SHOC2: variants seen among roughly 807,000 people sequenced by gnomAD.
The protein encoded by SHOC2 is leucine-rich repeat protein SHOC-2.
In SHOC2, 4 loss-of-function variants were observed where a neutral mutation model predicts 50.2. The ratio of observed to expected loss-of-function variants is 0.08; its 90% CI spans 0.04 to 0.18. SHOC2 has a LOEUF of 0.18. SHOC2 is among the 10% of genes least tolerant of loss of function. SHOC2 has a pLI of 1.00. For missense variants in SHOC2, 388 were observed against 669.6 expected, an observed-to-expected ratio of 0.58 and a Z score of 4.64; for synonymous variants, 218 against 244.5, an observed-to-expected ratio of 0.89 and a Z score of 1.01.
intron 8 of SHOC2, among the ~76,000 whole-genome samples, chr10:111,010,917 CTG>C (rs1310863862): frequency 6.6e-6 from 1 of 152,162 alleles, no homozygotes; most frequent in Non-Finnish European, 1.5e-5. Flanking sequence ...ATAAATGCCA[CTG>C]TGAAATATTC....
At chr10:110,928,538 A>C (rs936294990) in intron 1 of SHOC2, among the ~76,000 whole-genome samples, 29 of 152,214 alleles carry the variant, frequency 1.9e-4, no homozygotes, top group Non-Finnish European at 1.8e-4. Flanking sequence ...AGATAGATTA[A>C]TATTAAATGT....
At chr10:110,922,731 T>C (rs1397271295) in intron 1 of SHOC2, among the ~76,000 whole-genome samples, 1 of 152,042 alleles carries the variant, frequency 6.6e-6, no homozygotes, top group Non-Finnish European at 1.5e-5. Context: ...CAGTGAGTTC[T>C]GAGATTTATA....
chr10:110,987,605 G>A (rs1164202321), intron 3 of SHOC2, among the ~76,000 whole-genome samples: 2 of 152,086 alleles, frequency 1.3e-5, no homozygotes, highest in Non-Finnish European at 2.9e-5. Flanking sequence ...TAAATGTCCT[G>A]TATAAAATAA....
rs1848569968 is a variant in SHOC2 at position 111,011,774 on chromosome 10, A to C, written c.1705A>C (p.Ile569Leu). ...TGTTGCTGGGGGGCCTTCTTTCATC[A>C]TTCAGTTCTTAAAGATGCAGGGTCC... ...QIVAGGPSFI[I>L]QFLKMQGPYR... The change falls in exon 9 of 9, where the codon ATT becomes CTT. Residue 569 changes from isoleucine to leucine, a missense_variant. Transcript: ENST00000369452. 6.2e-7 allele frequency: 1 copy of C among 1,613,818 alleles called. No individual in the cohort carries two copies. The highest frequency in any genetic ancestry group is 8.5e-7 in the Non-Finnish European group (1 of 1,179,930).
Position 110,964,165 on chromosome 10 carries a change from A to G in SHOC2, c.-194A>G. 1 of 698,550 alleles carries G rather than the reference A, an allele frequency of 1.4e-6. No individual in the cohort carries two copies. Among genetic ancestry groups the G allele is most frequent in the Non-Finnish European group, 2.3e-6 (1 of 429,788 alleles). 43.3% of individuals were successfully genotyped at this position (698,550 alleles called of 1,614,324 possible). Reference sequence around the variant, plus strand: ...ATTGATTGACCAGCACTATTTTACCAGTTGGAATGAATGATCAGAAATGGG... The same window carrying G: ...ATTGATTGACCAGCACTATTTTACCGGTTGGAATGAATGATCAGAAATGGG... On this transcript the variant is annotated 5_prime_UTR_variant, in exon 2 of 9. Transcript: ENST00000369452. This position sits in a 1 kb window ranked among gnomAD's most constrained non-coding sequence, Gnocchi z 4.9.
At chr10:110,950,778 A>G (rs916511740) in intron 1 of SHOC2, among the ~76,000 whole-genome samples, 1 of 152,224 alleles carries the variant, frequency 6.6e-6, no homozygotes, top group Non-Finnish European at 1.5e-5. Flanking sequence ...CGTTTCTTCA[A>G]TAAATGGTGT....
chr10:110,979,929 A>G (rs1242544487), intron 2 of SHOC2, among the ~76,000 whole-genome samples: 1 of 152,126 alleles, frequency 6.6e-6, no homozygotes, highest in Non-Finnish European at 1.5e-5. Flanking sequence ...TACTCACTAG[A>G]CAGGTACTGG....
intron 7 of SHOC2, 135 bp downstream of exon 7, chr10:111,009,520 GTT>G: frequency 1.1e-6 from 1 of 874,856 alleles, no homozygotes; most frequent in Non-Finnish European, 1.8e-6. Flanking sequence ...TGAGTTTTAT[GTT>G]CATATAACCT....
intron 1 of SHOC2, among the ~76,000 whole-genome samples, chr10:110,960,651 A>G (rs1306110006): frequency 2.0e-5 from 3 of 152,092 alleles, no homozygotes; most frequent in African/African-American, 7.2e-5. Context: ...AATGGTATCA[A>G]CTCAGAGCTC....
At chr10:111,010,765 T>A (rs1196010857) in intron 8 of SHOC2, among the ~76,000 whole-genome samples, 1 of 152,184 alleles carries the variant, frequency 6.6e-6, no homozygotes, top group African/African-American at 2.4e-5. Flanking sequence ...GTAAGGTATG[T>A]AAACTCCCTA....
chr10:110,998,756 A>G (rs1253113706), intron 3 of SHOC2, among the ~76,000 whole-genome samples: 1 of 152,174 alleles, frequency 6.6e-6, no homozygotes, highest in Non-Finnish European at 1.5e-5. Context: ...TTTTATTATC[A>G]ATGACTGATT....
At chr10:110,965,629 A>G (rs936107594) in intron 2 of SHOC2, among the ~76,000 whole-genome samples, 17 of 152,278 alleles carry the variant, frequency 1.1e-4, no homozygotes, top group African/African-American at 3.1e-4. Flanking sequence ...AGAAGGGTAG[A>G]AGAAACGTCA....
chr10:110,945,822 C>G (rs746047531), intron 1 of SHOC2, among the ~76,000 whole-genome samples: 6 of 152,172 alleles, frequency 3.9e-5, no homozygotes, highest in Non-Finnish European at 7.3e-5. Context: ...TAGAAATCTT[C>G]CTCACTCTCA....
chr10:110,953,103 A>G (rs747383451), intron 1 of SHOC2, among the ~76,000 whole-genome samples: 2 of 152,180 alleles, frequency 1.3e-5, no homozygotes, highest in African/African-American at 2.4e-5. Context: ...TGCTGGGTCA[A>G]ATGGTATTTC....
chr10:110,957,495 C>T (rs941621828), intron 1 of SHOC2, among the ~76,000 whole-genome samples: 1 of 151,904 alleles, frequency 6.6e-6, no homozygotes, highest in Admixed American at 6.6e-5. Flanking sequence ...TGTAAATTCT[C>T]CTGCAGGAAG....
chr10:110,949,189 G>T (rs147431196), intron 1 of SHOC2, among the ~76,000 whole-genome samples: 4 of 152,158 alleles, frequency 2.6e-5, no homozygotes, highest in Admixed American at 2.0e-4. Flanking sequence ...AAAAGAAACT[G>T]AACTGACAAA....
rs180854025 is a variant in SHOC2, at chr10:110,921,539, T to G, written c.-235+1882T>G. Reference sequence around the variant, plus strand: ...TCCCAAGGTGCTTGTTCAGTTTTATTTTTAGTTTTTAATTGTTATGGGTAC... The same window carrying G: ...TCCCAAGGTGCTTGTTCAGTTTTATGTTTAGTTTTTAATTGTTATGGGTAC... On this transcript the variant is annotated intron_variant, in intron 1 of 8. Transcript: ENST00000369452. Among the ~76,000 whole-genome samples, 67 of 152,248 alleles carry G rather than the reference T, an allele frequency of 4.4e-4. No homozygotes were observed. In the East Asian group the frequency reaches 0.013, roughly 28 times the overall value.
chr10:110,999,566 G>A (rs1437471588), intron 3 of SHOC2, among the ~76,000 whole-genome samples: 2 of 151,514 alleles, frequency 1.3e-5, no homozygotes, highest in Admixed American at 6.6e-5. Flanking sequence ...GTGAAACCCC[G>A]TCTGTACTAA....
intron 2 of SHOC2, among the ~76,000 whole-genome samples, chr10:110,976,773 C>G (rs1006478167): frequency 6.6e-6 from 1 of 151,990 alleles, no homozygotes; most frequent in South Asian, 2.1e-4. Flanking sequence ...GTTTATAAGC[C>G]TCTTGGATCT....
Sources: gnomAD v4.1 joint callset for allele counts (sites outside exome capture counted in the v4.1 genomes callset) on GRCh38, gnomAD v4.1.1 for gene constraint, Gnocchi (gnomAD v3.1) non-coding constraint, MANE v1.5 for transcripts, NCBI Gene and HGNC (gene_info 2026-07-23, HGNC 2026-07-21) for gene names.